Variants in FOXN3 observed in about 807,000 individuals in gnomAD.
The protein encoded by FOXN3 is forkhead box protein N3.
A neutral mutation model predicts 38.4 loss-of-function variants in FOXN3; 7 were observed. That is an observed-to-expected ratio of 0.18 (90% CI 0.10 to 0.34). The LOEUF is 0.34. FOXN3 is among the 10% of genes least tolerant of loss of function. The pLI is 1.00. For synonymous variants in FOXN3, 230 were observed against 242.2 expected, an observed-to-expected ratio of 0.95 and a Z score of 0.47; for missense variants, 456 against 613.4, an observed-to-expected ratio of 0.74 and a Z score of 2.71.
Position 89,435,750 on chromosome 14 carries a change from G to A in FOXN3, c.-14-23260C>T, listed in dbSNP as rs938934730. 8.5e-5 allele frequency among the ~76,000 whole-genome samples: 13 copies of A among 152,258 alleles called. No individual in the cohort carries two copies. The East Asian group carries it at 2.5e-3, about 29-fold the overall frequency. The stretch of plus-strand genomic sequence containing the variant: ...TCCACTGCCATTTAGAGTGACTCTG[G>A]CTTCTGCCAACACCAGCTCCCTTTG... On this transcript the variant is annotated intron_variant, in intron 1 of 6. Coordinates refer to the FOXN3 transcript ENST00000345097.
At chr14:89,434,672 C>A (rs1892236739) in intron 1 of FOXN3, among the ~76,000 whole-genome samples, 1 of 152,178 alleles carries the variant, frequency 6.6e-6, no homozygotes, top group Non-Finnish European at 1.5e-5. Context: ...ATTTTCAACT[C>A]ACAGAATAAT....
chr14:89,608,841 C>G (rs1896333242), intron 1 of FOXN3, among the ~76,000 whole-genome samples: 1 of 152,200 alleles, frequency 6.6e-6, no homozygotes, highest in African/African-American at 2.4e-5. Flanking sequence ...ATTAGCAGAT[C>G]CAACTAAGTT....
chr14:89,407,681 A>C (rs74934243), intron 2 of FOXN3, among the ~76,000 whole-genome samples: 35,050 of 151,966 alleles, frequency 0.23, 4,155 homozygotes, highest in Middle Eastern at 0.27. Flanking sequence ...AAAATACAAA[A>C]AAAAAAAATT....
intron 4 of FOXN3, among the ~76,000 whole-genome samples, chr14:89,236,495 A>G (rs1007136516): frequency 3.3e-5 from 5 of 152,178 alleles, no homozygotes; most frequent in Non-Finnish European, 5.9e-5. Flanking sequence ...AGCCTGGGCA[A>G]CAGAGCGAGA....
At position 89,236,286 on chromosome 14, in the gene FOXN3, C is replaced by T. The variant is rs535489148; in HGVS notation, c.745+44664G>A. ...ATCCCAGCACTTTGGGAGGCCGAGG[C>T]GGGTGGATCACGAGGTCAGGAGATC... On this transcript the variant is annotated intron_variant, in intron 4 of 5. Transcript: ENST00000557258. Among the ~76,000 whole-genome samples, 204 of 152,206 alleles carry T rather than the reference C, an allele frequency of 1.3e-3. 1 individual carries two copies. Among genetic ancestry groups the T allele is most frequent in the African/African-American group, 4.5e-3 (185 of 41,528 alleles).
At chr14:89,468,462 CACACACACACACAT>C (rs1310171650) in intron 1 of FOXN3, among the ~76,000 whole-genome samples, 1 of 151,920 alleles carries the variant, frequency 6.6e-6, no homozygotes, top group Non-Finnish European at 1.5e-5. Context: ...TCAAAACACA[CACACACACACACAT>C]ACACACACAC....
At chr14:89,518,096 G>C (rs1188511785) in intron 1 of FOXN3, among the ~76,000 whole-genome samples, 1 of 152,184 alleles carries the variant, frequency 6.6e-6, no homozygotes, top group East Asian at 1.9e-4. Flanking sequence ...ACCCTAAGCA[G>C]CTACTGCCTT....
At chr14:89,346,411 CT>C (rs1888760356) in intron 3 of FOXN3, among the ~76,000 whole-genome samples, 1 of 152,192 alleles carries the variant, frequency 6.6e-6, no homozygotes, top group South Asian at 2.1e-4. Flanking sequence ...GATTCTAAGA[CT>C]TTCCCTGTTT....
chr14:89,201,023 C>T (rs1013214831), intron 4 of FOXN3, among the ~76,000 whole-genome samples: 39 of 152,270 alleles, frequency 2.6e-4, no homozygotes, highest in African/African-American at 9.4e-4. Flanking sequence ...TAAGACAGAG[C>T]CATTATTGAA....
rs183597395 is a variant in FOXN3, at chr14:89,412,030, C to A, written c.447G>T (p.Pro149=). The A allele has an allele frequency of 9.3e-6, 15 of 1,612,714 alleles. No individual in the cohort carries two copies. The highest frequency in any genetic ancestry group is 1.1e-5 in the South Asian group (1 of 91,006). Residue 149 remains proline (P), a synonymous_variant, in exon 2 of 6, where the codon CCG becomes CCT. Transcript: ENST00000557258. The surrounding 1 kb of genome is among the most constrained non-coding windows in gnomAD (Gnocchi z 4.7). Reference sequence around the variant, plus strand: ...ACCCAGTAGGTGCATTTGCAAAATACGGAAAATGTTCCAAGATCCAGTTGT... The same window carrying A: ...ACCCAGTAGGTGCATTTGCAAAATAAGGAAAATGTTCCAAGATCCAGTTGT... The part of the protein sequence containing the change: ...DIYNWILEHF[P]YFANAPTGWK...
intron 4 of FOXN3, among the ~76,000 whole-genome samples, chr14:89,228,199 A>G (rs1332101309): frequency 6.6e-6 from 1 of 152,364 alleles, no homozygotes; most frequent in African/African-American, 2.4e-5. Flanking sequence ...GAAAACTAAT[A>G]CAGTGAGGAT....
intron 1 of FOXN3, among the ~76,000 whole-genome samples, chr14:89,461,116 G>A (rs1892839215): frequency 6.6e-6 from 1 of 151,816 alleles, no homozygotes; most frequent in Non-Finnish European, 1.5e-5. Context: ...GGCGGATCAC[G>A]AGGTCAAGAA....
At chr14:89,210,168 T>C (rs1252788568) in intron 4 of FOXN3, among the ~76,000 whole-genome samples, 13 of 152,238 alleles carry the variant, frequency 8.5e-5, no homozygotes, top group Admixed American at 8.5e-4. Context: ...AGGTGGGGCC[T>C]GGCAAGAGGT....
chr14:89,511,112 C>A (rs1013820923), intron 1 of FOXN3, among the ~76,000 whole-genome samples: 30 of 149,442 alleles, frequency 2.0e-4, no homozygotes, highest in African/African-American at 6.6e-4. Flanking sequence ...TCTCAAAAGA[C>A]CTGCTTGGTG....
chr14:89,228,462 T>C (rs1362229470), intron 4 of FOXN3, among the ~76,000 whole-genome samples: 1 of 152,220 alleles, frequency 6.6e-6, no homozygotes, highest in African/African-American at 2.4e-5. Flanking sequence ...TGCTGGGCCA[T>C]TTCAACAGTT....
At chr14:89,346,349 C>T (rs1055531573) in intron 3 of FOXN3, among the ~76,000 whole-genome samples, 3 of 152,186 alleles carry the variant, frequency 2.0e-5, no homozygotes, top group Non-Finnish European at 4.4e-5. Context: ...TCCAGGACAT[C>T]ATAGGACACA....
intron 2 of FOXN3, among the ~76,000 whole-genome samples, chr14:89,367,627 G>A (rs886297310): frequency 6.6e-6 from 1 of 152,146 alleles, no homozygotes; most frequent in African/African-American, 2.4e-5. Flanking sequence ...GAGACAGAAC[G>A]GGGGTTGGAC....
intron 1 of FOXN3, among the ~76,000 whole-genome samples, chr14:89,597,068 C>T (rs977784400): frequency 6.6e-6 from 1 of 152,118 alleles, no homozygotes; most frequent in Non-Finnish European, 1.5e-5. Flanking sequence ...TATTTTTAAA[C>T]CTCTCTTCTT....
intron 4 of FOXN3, among the ~76,000 whole-genome samples, chr14:89,275,393 G>A (rs1370935827): frequency 6.6e-6 from 1 of 152,158 alleles, no homozygotes; most frequent in African/African-American, 2.4e-5. Context: ...GAACAGAGCT[G>A]GTACTAGATA....
Sources: gnomAD v4.1 joint callset for allele counts (sites outside exome capture counted in the v4.1 genomes callset) on GRCh38, gnomAD v4.1.1 for gene constraint, Gnocchi (gnomAD v3.1) non-coding constraint, MANE v1.5 for transcripts, NCBI Gene and HGNC (gene_info 2026-07-23, HGNC 2026-07-21) for gene names.